ZNF713: variants seen among roughly 807,000 people sequenced by gnomAD.
ZNF713 encodes the protein zinc finger protein 713.
A neutral mutation model predicts 28.7 loss-of-function variants in ZNF713; 21 were observed. The observed-to-expected ratio is 0.73, with a 90% CI of 0.52 to 1.05. ZNF713 has a LOEUF of 1.05. ZNF713 is among the 50% of genes least tolerant of loss of function. The pLI is 0.00. For missense variants in ZNF713, 458 were observed against 532.4 expected, an observed-to-expected ratio of 0.86 and a Z score of 1.37; for synonymous variants, 167 against 178.0, an observed-to-expected ratio of 0.94 and a Z score of 0.49.
At chr7:55,917,719 A>G (rs1392687730) in intron 4 of ZNF713, among the ~76,000 whole-genome samples, 3 of 150,508 alleles carry the variant, frequency 2.0e-5, no homozygotes, top group Admixed American at 6.6e-5. Context: ...AAAAAAAAAG[A>G]AAAAAAATTT....
chr7:55,892,555 C>CGAAAA (rs574054003), intron 1 of ZNF713, among the ~76,000 whole-genome samples: 2 of 74,366 alleles, frequency 2.7e-5, no homozygotes, highest in Admixed American at 1.9e-4. Flanking sequence ...AAGCACTGAC[C>CGAAAA]AAAAAAAAAA....
At chr7:55,918,288 T>G (rs1785925180) in intron 4 of ZNF713, 1 of 257,980 alleles carries the variant, frequency 3.9e-6, no homozygotes, top group Non-Finnish European at 8.1e-6. Flanking sequence ...AGTACCAATT[T>G]GCCAGCCTTG....
chr7:55,923,135 T>C, intron 4 of ZNF713, 27 bp from the exon 5 acceptor site: 1 of 1,589,930 alleles, frequency 6.3e-7, no homozygotes, highest in Non-Finnish European at 8.5e-7. Flanking sequence ...CGTTTTTGCC[T>C]GAGCAGGGAT....
chr7:55,928,589 T>G (rs1242703892), intron 6 of ZNF713, among the ~76,000 whole-genome samples: 1 of 152,176 alleles, frequency 6.6e-6, no homozygotes, highest in Admixed American at 6.5e-5. Flanking sequence ...GTAAGTAGAC[T>G]GTTGAAGGTG....
chr7:55,929,010 C>T (rs1310780365), intron 6 of ZNF713, among the ~76,000 whole-genome samples: 4 of 151,244 alleles, frequency 2.6e-5, no homozygotes, highest in East Asian at 1.9e-4. Context: ...TGGTAACACA[C>T]GCCTGTAGTC....
At chr7:55,888,094 G>A (rs1785311785) in intron 1 of ZNF713, among the ~76,000 whole-genome samples, 1 of 152,002 alleles carries the variant, frequency 6.6e-6, no homozygotes, top group Non-Finnish European at 1.5e-5. Context: ...TTATTTTTGG[G>A]CAAGCGTCCA....
intron 1 of ZNF713, among the ~76,000 whole-genome samples, chr7:55,896,940 G>A (rs1785483751): frequency 6.6e-6 from 1 of 152,052 alleles, no homozygotes; most frequent in African/African-American, 2.4e-5. Flanking sequence ...TCTCGTAATG[G>A]CCAAAGCTGA....
At chr7:55,893,074 G>A (rs896313011) in intron 1 of ZNF713, among the ~76,000 whole-genome samples, 1 of 151,568 alleles carries the variant, frequency 6.6e-6, no homozygotes. Context: ...TAGTAGAGAC[G>A]GGGTTTCACC....
chr7:55,898,590 G>A (rs536234582), intron 1 of ZNF713, among the ~76,000 whole-genome samples: 3 of 152,126 alleles, frequency 2.0e-5, no homozygotes, highest in African/African-American at 4.8e-5. Flanking sequence ...ACTCATTATC[G>A]TGAGAACAGC....
rs1203978968 is a variant in ZNF713, at chr7:55,941,665, A to G, written c.*1659A>G. On this transcript the variant is annotated 3_prime_UTR_variant, in exon 7 of 7. Transcript: ENST00000429591. ...CTTCTCCTAGGAAATACTATTTAGC[A>G]TATAAAATAAGTTATATGCTAGTTT... 1.3e-5 allele frequency: 2 copies of G among 152,132 alleles called. No homozygotes were observed. Among genetic ancestry groups the G allele is most frequent in the Non-Finnish European group, 2.9e-5 (2 of 68,026 alleles). The allele number at this position is 152,132 out of a possible 1,614,324, so 9.4% of individuals were successfully genotyped here.
intron 4 of ZNF713, among the ~76,000 whole-genome samples, chr7:55,916,975 G>T (rs1433871482): frequency 6.6e-6 from 1 of 152,124 alleles, no homozygotes; most frequent in Non-Finnish European, 1.5e-5. Flanking sequence ...AGCACTTTGG[G>T]AGGCCTAGGT....
intron 6 of ZNF713, among the ~76,000 whole-genome samples, chr7:55,932,151 C>T (rs542612500): frequency 6.6e-6 from 1 of 152,244 alleles, no homozygotes; most frequent in South Asian, 2.1e-4. Context: ...GTAATTTAAT[C>T]TTAGACCATA....
At chr7:55,901,343 T>C (rs1298143177) in intron 1 of ZNF713, among the ~76,000 whole-genome samples, 2 of 152,126 alleles carry the variant, frequency 1.3e-5, no homozygotes, top group Non-Finnish European at 2.9e-5. Flanking sequence ...GAGAACAGCA[T>C]GGAAGAGACC....
At chr7:55,912,557 CCTACACAAAGCAGAAT>C in intron 3 of ZNF713, 62 bp from the exon 4 acceptor site, 1 of 1,039,804 alleles carries the variant, frequency 9.6e-7, no homozygotes, top group Admixed American at 2.0e-5. Context: ...GTCTGCCATA[CCTACACAAAGCAGAAT>C]CTCCAGGATT....
chr7:55,889,513 G>A (rs971134807), intron 1 of ZNF713, among the ~76,000 whole-genome samples: 9 of 152,356 alleles, frequency 5.9e-5, no homozygotes, highest in Non-Finnish European at 1.2e-4. Context: ...GTAGCAATTA[G>A]TACGTTCTAA....
chr7:55,939,784 C>T lies in ZNF713; in HGVS notation c.1110C>T (p.Tyr370=), dbSNP rs748489695. 31 of 1,614,102 alleles carry T rather than the reference C, an allele frequency of 1.9e-5. No individual in the cohort carries two copies. The highest frequency in any genetic ancestry group is 2.2e-5 in the Non-Finnish European group (26 of 1,180,006). The part of the protein sequence containing the change: ...HHRLHTGEKP[Y]ECGFCGKAFS... ...GACTTCATACCGGAGAGAAACCTTA[C>T]GAATGTGGTTTCTGTGGCAAAGCCT... The change falls in exon 7 of 7, where the codon TAC becomes TAT. Residue 370 remains tyrosine (Y), a synonymous_variant. Transcript: ENST00000429591.
intron 1 of ZNF713, among the ~76,000 whole-genome samples, chr7:55,903,300 T>A (rs1450466593): frequency 6.6e-6 from 1 of 151,942 alleles, no homozygotes; most frequent in African/African-American, 2.4e-5. Context: ...CCTACCGTCA[T>A]GGAGATTAAC....
chr7:55,907,103 A>G lies in ZNF713; in HGVS notation c.-456+724A>G, dbSNP rs112541969. ...CCTGTTTCTGGGAATTTTTTTAGCC[A>G]GCTGAAGTCCCTTTTTAAATGTGTT... On this transcript the variant is annotated intron_variant, in intron 2 of 6. Coordinates refer to ENST00000429591, the MANE Select transcript of ZNF713 (RefSeq NM_182633.3). 3.7e-3 allele frequency among the ~76,000 whole-genome samples: 563 copies of G among 152,162 alleles called. 5 individuals carry two copies. The highest frequency in any genetic ancestry group is 0.013 in the African/African-American group (535 of 41,464).
At chr7:55,901,226 A>T (rs2116186842) in intron 1 of ZNF713, among the ~76,000 whole-genome samples, 1 of 152,286 alleles carries the variant, frequency 6.6e-6, no homozygotes, top group East Asian at 1.9e-4. Flanking sequence ...GGAGCAAGTC[A>T]CATCTTACAT....
Sources: gnomAD v4.1 joint callset for allele counts (sites outside exome capture counted in the v4.1 genomes callset) on GRCh38, gnomAD v4.1.1 for gene constraint, MANE v1.5 for transcripts, NCBI Gene and HGNC (gene_info 2026-07-23, HGNC 2026-07-21) for gene names.